The following FAM168A variants were observed in gnomAD, a reference collection of about 807,000 sequenced individuals.
FAM168A encodes protein FAM168A.
In FAM168A, 3 loss-of-function variants were observed where a neutral mutation model predicts 28.5. The observed-to-expected ratio is 0.11, with a 90% confidence interval of 0.05 to 0.27. FAM168A has a LOEUF of 0.27. Among genes scored for constraint, FAM168A ranks in the 10% least tolerant of loss-of-function variants. The probability of loss-of-function intolerance (pLI) is 1.00; values close to 1 mark genes in which losing one functional copy is unlikely to be tolerated. For missense variants in FAM168A, 222 were observed against 311.5 expected (o/e 0.71, Z 2.16); for synonymous variants, 122 against 124.2 (o/e 0.98, Z 0.12).
intron 1 of FAM168A, among the ~76,000 whole-genome samples, chr11:73,487,683 G>A (rs1193034064): frequency 6.6e-6 from 1 of 151,902 alleles, no homozygotes; most frequent in African/African-American, 2.4e-5. Context: ...CATTTCCATG[G>A]TTATAATCCT....
At chr11:73,423,199 C>A (rs1200908340) in intron 3 of FAM168A, among the ~76,000 whole-genome samples, 2 of 152,202 alleles carry the variant, frequency 1.3e-5, no homozygotes, top group Non-Finnish European at 2.9e-5. Context: ...CCTCTTCCAT[C>A]TCCAAAGTTG....
chr11:73,546,836 T>A (rs1472619264), intron 1 of FAM168A, among the ~76,000 whole-genome samples: 1 of 152,068 alleles, frequency 6.6e-6, no homozygotes, highest in African/African-American at 2.4e-5. Flanking sequence ...ATTACATATG[T>A]GTTAAAATTA....
At chr11:73,588,470 C>T (rs551341551) in intron 1 of FAM168A, among the ~76,000 whole-genome samples, 1 of 152,118 alleles carries the variant, frequency 6.6e-6, no homozygotes, top group African/African-American at 2.4e-5. Flanking sequence ...TCAGGGGTAT[C>T]ACTTGAGCCC....
intron 1 of FAM168A, among the ~76,000 whole-genome samples, chr11:73,534,599 C>T (rs976199593): frequency 2.0e-5 from 3 of 152,004 alleles, no homozygotes; most frequent in Admixed American, 1.3e-4. Flanking sequence ...GACGGGGTTT[C>T]GTCATGTTGG....
chr11:73,460,499 CTTTTT>C (rs547956382), intron 2 of FAM168A, among the ~76,000 whole-genome samples: 1 of 112,834 alleles, frequency 8.9e-6, no homozygotes. Context: ...GCTACTAATG[CTTTTT>C]TTTTTTTTTT....
intron 1 of FAM168A, among the ~76,000 whole-genome samples, chr11:73,516,215 T>A (rs1293197120): frequency 6.6e-6 from 1 of 152,084 alleles, no homozygotes; most frequent in Non-Finnish European, 1.5e-5. Context: ...TAGAATATAA[T>A]ATAAAAGGCT....
At position 73,544,503 on chromosome 11, in the gene FAM168A, A is replaced by G. The variant is rs1027929205; in HGVS notation, c.-19+53420T>C. ...GCTAATGTTCACAGCTACATTACAA[A>G]TAATAGCTAAAAGTGGGAACTATCC... On this transcript the variant is annotated intron_variant, in intron 1 of 7. Coordinates refer to ENST00000356467, the MANE Select transcript of FAM168A (RefSeq NM_015159.3). Among the ~76,000 whole-genome samples, 6 of 151,966 alleles carry G rather than the reference A, an allele frequency of 3.9e-5. No homozygotes were observed. The South Asian group carries it at 1.0e-3, about 26-fold the overall frequency.
intron 2 of FAM168A, among the ~76,000 whole-genome samples, chr11:73,459,831 C>G (rs1867610937): frequency 1.3e-5 from 2 of 151,354 alleles, no homozygotes; most frequent in Non-Finnish European, 2.9e-5. Flanking sequence ...CCTGTTCCAT[C>G]TGGTCTATCC....
chr11:73,494,587 G>A (rs573145), intron 1 of FAM168A, among the ~76,000 whole-genome samples: 73,482 of 152,018 alleles, frequency 0.48, 19,391 homozygotes, highest in African/African-American at 0.71. Context: ...TGGGCAAAGA[G>A]CCAGGAAGAG....
intron 1 of FAM168A, among the ~76,000 whole-genome samples, chr11:73,536,170 T>C (rs888271104): frequency 6.6e-6 from 1 of 152,108 alleles, no homozygotes; most frequent in Non-Finnish European, 1.5e-5. Flanking sequence ...CTAATCAGCT[T>C]TTTAGTATTC....
At chr11:73,556,275 AGAATTC>A (rs1943888379) in intron 1 of FAM168A, among the ~76,000 whole-genome samples, 1 of 151,998 alleles carries the variant, frequency 6.6e-6, no homozygotes, top group African/African-American at 2.4e-5. Flanking sequence ...CTTGTGCCTA[AGAATTC>A]GAGGTTGCAA....
chr11:73,519,729 C>T (rs368247759), intron 1 of FAM168A, among the ~76,000 whole-genome samples: 17 of 152,044 alleles, frequency 1.1e-4, no homozygotes, highest in African/African-American at 3.9e-4. Context: ...ATGAGGATAG[C>T]TGGAACACAG....
chr11:73,424,998 G>A lies in FAM168A; in HGVS notation c.152-4999C>T, dbSNP rs770880523. On this transcript the variant is annotated intron_variant, in intron 3 of 7. Coordinates refer to ENST00000356467, the MANE Select transcript of FAM168A (RefSeq NM_015159.3). The stretch of plus-strand genomic sequence containing the variant: ...GAACACATTCATAGGCTGTAATACA[G>A]ATGAGGAAAAATAGCTTTCCTACCA... The A allele has an allele frequency of 3.3e-6, 5 of 1,517,508 alleles. No homozygotes were observed. The South Asian group carries it at 4.9e-5, about 15-fold the overall frequency. 94.0% of individuals were successfully genotyped at this position (1,517,508 alleles called of 1,614,324 possible). A position where few individuals can be genotyped will look rare whatever the true frequency, so the allele number is the denominator to read the frequency against.
intron 1 of FAM168A, among the ~76,000 whole-genome samples, chr11:73,570,677 T>A (rs1944075295): frequency 6.7e-6 from 1 of 149,628 alleles, no homozygotes; most frequent in African/African-American, 2.5e-5. Flanking sequence ...GAGGCTGCAA[T>A]GAATCATGAT....
At chr11:73,445,016 T>C (rs1867274053) in intron 2 of FAM168A, among the ~76,000 whole-genome samples, 2 of 152,168 alleles carry the variant, frequency 1.3e-5, no homozygotes, top group Admixed American at 1.3e-4. Context: ...TCCCAACATT[T>C]TGGGAGGCCG....
At position 73,563,149 on chromosome 11, in the gene FAM168A, C is replaced by T. The variant is rs774051468; in HGVS notation, c.-19+34774G>A. On this transcript the variant is annotated intron_variant, in intron 1 of 7. Coordinates refer to ENST00000356467, the MANE Select transcript of FAM168A (RefSeq NM_015159.3). Reference sequence around the variant, plus strand: ...ATTCCAAACCAGGCCAGGATTTCATCCCCATCAGGTATTTACTTGATGTTC... The same window carrying T: ...ATTCCAAACCAGGCCAGGATTTCATTCCCATCAGGTATTTACTTGATGTTC... 6.9e-4 allele frequency among the ~76,000 whole-genome samples: 105 copies of T among 152,304 alleles called. 3 individuals are homozygous for T. In the Middle Eastern group the frequency reaches 0.02, roughly 30 times the overall value.
At chr11:73,497,454 C>CA (rs749266282) in intron 1 of FAM168A, among the ~76,000 whole-genome samples, 283 of 138,926 alleles carry the variant, frequency 2.0e-3, no homozygotes, top group Admixed American at 0.014. Context: ...TACCCCCCCT[C>CA]AAAAAAAAAA....
chr11:73,400,865 C>T lies in FAM168A; in HGVS notation c.*5898G>A, dbSNP rs1267708223. On this transcript the variant is annotated 3_prime_UTR_variant, in exon 8 of 8. Coordinates refer to ENST00000356467, the MANE Select transcript of FAM168A (RefSeq NM_015159.3). Reference sequence around the variant, plus strand: ...CAGCTTACAGTAAATACCATAGTTACAAATTCTTGGCTTCAATCTTTCAGA... The same window carrying T: ...CAGCTTACAGTAAATACCATAGTTATAAATTCTTGGCTTCAATCTTTCAGA... The T allele has an allele frequency of 6.6e-6, 1 of 151,728 alleles. No homozygotes were observed. The highest frequency in any genetic ancestry group is 1.5e-5 in the Non-Finnish European group (1 of 67,968). The allele number at this position is 151,728 out of a possible 1,614,324, so 9.4% of individuals were successfully genotyped here.
intron 2 of FAM168A, among the ~76,000 whole-genome samples, chr11:73,449,715 C>T (rs2134545127): frequency 6.6e-6 from 1 of 152,320 alleles, no homozygotes. Flanking sequence ...ACGAAGATTT[C>T]AGGCCTCCTG....
Sources: allele counts gnomAD v4.1 joint callset (sites outside exome capture counted in the v4.1 genomes callset), GRCh38; gene constraint gnomAD v4.1.1; transcripts MANE v1.5; gene names NCBI Gene and HGNC (gene_info 2026-07-23, HGNC 2026-07-21).